Variants in GSE1 observed in about 807,000 individuals in gnomAD.
GSE1 encodes the protein genetic suppressor element 1.
Under a neutral mutation model 112.6 loss-of-function variants are expected in GSE1, and 32 were observed. The ratio of observed to expected loss-of-function variants is 0.28; its 90% CI spans 0.21 to 0.38. GSE1 has a LOEUF of 0.38. Among genes scored for constraint, GSE1 ranks in the 10% least tolerant of loss-of-function variants. The probability of loss-of-function intolerance (pLI) is 1.00; values close to 1 mark genes in which losing one functional copy is unlikely to be tolerated. For missense variants in GSE1, 2,348 were observed against 1,699.2 expected (o/e 1.38, Z -6.71); for synonymous variants, 1,115 against 735.6 (o/e 1.52, Z -8.35).
intron 2 of GSE1, among the ~76,000 whole-genome samples, chr16:85,361,102 C>CAG (rs2047063993): frequency 6.7e-6 from 1 of 148,882 alleles, no homozygotes. Context: ...CAGACACACA[C>CAG]GGGCAGAGAC....
intron 1 of GSE1, among the ~76,000 whole-genome samples, chr16:85,173,981 G>C (rs987305163): frequency 2.6e-5 from 4 of 152,230 alleles, no homozygotes; most frequent in Non-Finnish European, 5.9e-5. Flanking sequence ...CCAAGACTCA[G>C]AGAAGTCAGA....
intron 1 of GSE1, among the ~76,000 whole-genome samples, chr16:85,200,463 A>T (rs573962293): frequency 6.6e-5 from 10 of 151,994 alleles, no homozygotes; most frequent in African/African-American, 2.4e-4. Context: ...GGTTTCCCCC[A>T]CGTCACACAG....
intron 1 of GSE1, among the ~76,000 whole-genome samples, chr16:85,255,305 G>T (rs1255446939): frequency 6.6e-6 from 1 of 152,186 alleles, no homozygotes; most frequent in Non-Finnish European, 1.5e-5. Flanking sequence ...CCAGCTGCCG[G>T]CCCAGCCTGA....
chr16:85,645,022 C>G (rs372476210), intron 2 of GSE1, among the ~76,000 whole-genome samples: 1 of 151,760 alleles, frequency 6.6e-6, no homozygotes, highest in African/African-American at 2.4e-5. Context: ...TTCTCCTGTC[C>G]CCACCCTCTG....
rs59854597 is a variant in GSE1 at position 85,450,117 on chromosome 16, C to CTTTTTTTTT, written c.2464+92487_2464+92495dup. On this transcript the variant is annotated intron_variant, in intron 2 of 2. Transcript: ENST00000637419. ...GGCCAGTTCTATTTTAGGCAGCTGA[C>CTTTTTTTTT]TTTTTTTTTTTTTTTTTTTTTGAGA... 5.5e-4 allele frequency among the ~76,000 whole-genome samples: 44 copies of CTTTTTTTTT among 79,494 alleles called. 2 individuals are homozygous for CTTTTTTTTT. Among genetic ancestry groups the CTTTTTTTTT allele is most frequent in the African/African-American group, 1.1e-3 (20 of 18,262 alleles). 52.2% of individuals were successfully genotyped at this position (79,494 alleles called of 152,430 possible). A position where few individuals can be genotyped will look rare whatever the true frequency, so the allele number is the denominator to read the frequency against.
At chr16:85,408,256 GGCCCCCCGGATAATCCTTACTGTTA>G (rs1567744985) in intron 2 of GSE1, among the ~76,000 whole-genome samples, 1,336 of 1,828 alleles carry the variant, frequency 0.73, 478 homozygotes, top group Middle Eastern at 1. Flanking sequence ...GTTACACTCA[GGCCCCCCGGATAATCCTTACTGTTA>G]CACTCAGGGC....
intron 1 of GSE1, among the ~76,000 whole-genome samples, chr16:85,565,684 G>A (rs1027491495): frequency 1.3e-5 from 2 of 152,242 alleles, no homozygotes; most frequent in Non-Finnish European, 1.5e-5. Context: ...GCCCACTGGA[G>A]TGAGAGAACA....
chr16:85,316,081 T>A (rs2045979835), intron 1 of GSE1, among the ~76,000 whole-genome samples: 1 of 152,248 alleles, frequency 6.6e-6, no homozygotes, highest in Non-Finnish European at 1.5e-5. Context: ...CTGGCCTGAC[T>A]GCTGTTTCCA....
intron 8 of GSE1, chr16:85,659,393 A>C (rs2052243371): frequency 6.6e-6 from 1 of 152,354 alleles, no homozygotes; most frequent in African/African-American, 2.4e-5. Context: ...GCACAGTGAC[A>C]CATGCCTGTA....
In GSE1 at chr16:85,666,346, A is replaced by C. The variant is rs755638296; in HGVS notation, c.3129A>C (p.Lys1043Asn). 1 of 1,613,476 alleles carries C rather than the reference A, an allele frequency of 6.2e-7. No homozygotes were observed. Among genetic ancestry groups the C allele is most frequent in the South Asian group, 1.1e-5 (1 of 91,052 alleles). Residue 1043 changes from lysine to asparagine, a missense_variant and splice_region_variant, in exon 13 of 16, where the codon AAA becomes AAC. Coordinates refer to ENST00000253458, the MANE Select transcript of GSE1 (RefSeq NM_014615.5). ...QSTQKALQKH[K>N]GSVAVLSAEQ... Reference sequence around the variant, plus strand: ...CCCAGAAGGCCCTGCAGAAGCATAAAGGTAATGAGGCTGCCAGTCCCTGCT... The same window carrying C: ...CCCAGAAGGCCCTGCAGAAGCATAACGGTAATGAGGCTGCCAGTCCCTGCT...
At chr16:85,169,886 G>T in exon 1 of GSE1, 1 of 984,448 alleles carries the variant, frequency 1.0e-6, no homozygotes, top group Non-Finnish European at 1.2e-6. Context: ...CCCCACCAGT[G>T]CGACGCGGGC....
intron 1 of GSE1, among the ~76,000 whole-genome samples, chr16:85,617,663 G>T (rs566545518): frequency 1.4e-5 from 2 of 143,660 alleles, no homozygotes; most frequent in Admixed American, 1.4e-4. Flanking sequence ...CTTTCTTCCA[G>T]AGCAGCTTCC....
At chr16:85,396,925 G>A (rs538985293) in intron 2 of GSE1, among the ~76,000 whole-genome samples, 1 of 152,344 alleles carries the variant, frequency 6.6e-6, no homozygotes, top group Non-Finnish European at 1.5e-5. Context: ...GATGGTCATG[G>A]AGAGAGACAG....
chr16:85,565,262 C>T (rs376488444), intron 1 of GSE1, among the ~76,000 whole-genome samples: 5 of 151,914 alleles, frequency 3.3e-5, no homozygotes, highest in Non-Finnish European at 5.9e-5. Context: ...CATGGTGGTG[C>T]GTGCCTGTAA....
At chr16:85,611,127 G>C (rs1257348169), upstream of GSE1, among the ~76,000 whole-genome samples, 2 of 152,218 alleles carry the variant, frequency 1.3e-5, no homozygotes, top group East Asian at 3.9e-4. Flanking sequence ...AGGTGCGAGA[G>C]GTTCATTTGC....
intron 2 of GSE1, among the ~76,000 whole-genome samples, chr16:85,458,101 G>T (rs1275917410): frequency 6.6e-6 from 1 of 152,184 alleles, no homozygotes; most frequent in African/African-American, 2.4e-5. Flanking sequence ...CCTACAATCT[G>T]CTCCGGGCTT....
chr16:85,555,336 T>C (rs555541759), upstream of GSE1: 3 of 984,664 alleles, frequency 3.0e-6, no homozygotes, highest in African/African-American at 5.2e-5. Flanking sequence ...CTCCTCCTCC[T>C]TCCACCCCCT....
intron 1 of GSE1, among the ~76,000 whole-genome samples, chr16:85,574,708 A>G (rs1159396277): frequency 2.6e-5 from 4 of 152,200 alleles, no homozygotes; most frequent in Non-Finnish European, 5.9e-5. Context: ...TTTCCTTCGG[A>G]AAACACTGTG....
At chr16:85,240,780 C>G (rs902853340) in intron 1 of GSE1, among the ~76,000 whole-genome samples, 1 of 152,192 alleles carries the variant, frequency 6.6e-6, no homozygotes, top group Non-Finnish European at 1.5e-5. Context: ...GACTTCGTCT[C>G]TCTTGGCTGA....
Sources: gnomAD v4.1 joint callset for allele counts (sites outside exome capture counted in the v4.1 genomes callset) on GRCh38, gnomAD v4.1.1 for gene constraint, MANE v1.5 for transcripts, NCBI Gene and HGNC (gene_info 2026-07-23, HGNC 2026-07-21) for gene names.